The following SLC39A11 variants were observed in gnomAD, a reference collection of about 807,000 sequenced individuals.
SLC39A11 encodes zinc transporter ZIP11.
A neutral mutation model predicts 36.1 loss-of-function variants in SLC39A11; 33 were observed. The ratio of observed to expected loss-of-function variants is 0.91; its 90% CI spans 0.69 to 1.22. The LOEUF is 1.22. SLC39A11 is among the 50% of genes most tolerant of loss of function. The pLI, the probability that SLC39A11 is intolerant of heterozygous loss-of-function variation, is 0.00. For missense variants in SLC39A11, 432 were observed against 430.3 expected (o/e 1.00, Z -0.03); for synonymous variants, 166 against 170.3 (o/e 0.97, Z 0.20).
chr17:72,786,199 A>C (rs1598732210), intron 6 of SLC39A11, among the ~76,000 whole-genome samples: 1 of 152,216 alleles, frequency 6.6e-6, no homozygotes, highest in East Asian at 1.9e-4. Context: ...TCTGATGGAA[A>C]CATCACCCTT....
chr17:72,844,225 TGA>T (rs1178276000), intron 6 of SLC39A11, among the ~76,000 whole-genome samples: 8 of 152,148 alleles, frequency 5.3e-5, no homozygotes, highest in Admixed American at 4.6e-4. Flanking sequence ...TGAAGCTGCT[TGA>T]CAGTGATGGT....
At chr17:73,034,790 T>C (rs1017353489) in intron 3 of SLC39A11, among the ~76,000 whole-genome samples, 1 of 152,118 alleles carries the variant, frequency 6.6e-6, no homozygotes. Flanking sequence ...CATCACTGAG[T>C]ACCAACCTTT....
chr17:72,775,590 C>T (rs554316443), intron 6 of SLC39A11, among the ~76,000 whole-genome samples: 36 of 152,232 alleles, frequency 2.4e-4, no homozygotes, highest in South Asian at 1.5e-3. Context: ...TTGGGGGCAA[C>T]GTAGCAATCA....
Position 72,879,089 on chromosome 17 carries a change from G to A in SLC39A11, c.431-29285C>T, listed in dbSNP as rs112413302. Among the ~76,000 whole-genome samples the A allele has an allele frequency of 6.9e-3, 1,045 of 152,342 alleles. 11 individuals carry two copies. Among genetic ancestry groups the A allele is most frequent in the African/African-American group, 0.024 (1,005 of 41,580 alleles). Reference sequence around the variant, plus strand: ...ATGCATAGGGAGGTTATATAGGAAGGGGGCGTGGAGCTTCCACGCCCTTTC... The same window carrying A: ...ATGCATAGGGAGGTTATATAGGAAGAGGGCGTGGAGCTTCCACGCCCTTTC... On this transcript the variant is annotated intron_variant, in intron 5 of 9. Transcript: ENST00000255559.
Position 72,758,921 on chromosome 17 carries a change from T to C in SLC39A11, c.602-22202A>G, listed in dbSNP as rs565665718. ...AATCTTGGCGACAGCCTGGCTAACA[T>C]GGCAAAACCCTGTCTCTACTAAAAC... On this transcript the variant is annotated intron_variant, in intron 6 of 9. Transcript: ENST00000255559. Among the ~76,000 whole-genome samples the C allele has an allele frequency of 6.6e-5, 10 of 152,246 alleles. No individual in the cohort carries two copies. In the South Asian group the frequency reaches 1.5e-3, roughly 22 times the overall value.
At chr17:73,052,013 G>A (rs543217952) in intron 3 of SLC39A11, among the ~76,000 whole-genome samples, 1 of 151,816 alleles carries the variant, frequency 6.6e-6, no homozygotes, top group Non-Finnish European at 1.5e-5. Context: ...TGTAAAATTG[G>A]AATAACCATC....
chr17:72,982,228 A>G (rs2088378695), intron 4 of SLC39A11, among the ~76,000 whole-genome samples: 1 of 152,202 alleles, frequency 6.6e-6, no homozygotes, highest in African/African-American at 2.4e-5. Flanking sequence ...AAAAGTATAA[A>G]TCAGTATAAG....
intron 7 of SLC39A11, among the ~76,000 whole-genome samples, chr17:72,671,430 C>T (rs1234723169): frequency 1.3e-5 from 2 of 152,172 alleles, no homozygotes; most frequent in African/African-American, 4.8e-5. Context: ...ACAAAAATAG[C>T]TATATTTAGG....
chr17:72,648,257 G>A, intron 9 of SLC39A11, among the ~76,000 whole-genome samples: 1 of 149,622 alleles, frequency 6.7e-6, no homozygotes, highest in East Asian at 2.0e-4. Context: ...TTGAACCTGG[G>A]GGGCGGAGGT....
chr17:72,830,989 G>A (rs1017909750), intron 6 of SLC39A11, among the ~76,000 whole-genome samples: 7 of 152,182 alleles, frequency 4.6e-5, no homozygotes, highest in Middle Eastern at 3.2e-3. Context: ...AATCTAGAAC[G>A]TCACTGAGAC....
At chr17:73,047,990 A>ATATATATAT (rs1287618070) in intron 3 of SLC39A11, among the ~76,000 whole-genome samples, 1 of 58,680 alleles carries the variant, frequency 1.7e-5, no homozygotes, top group Non-Finnish European at 3.0e-5. Flanking sequence ...AAAAAAAAAA[A>ATATATATAT]ATATATATAT....
At chr17:72,867,566 T>G (rs2080365188) in intron 5 of SLC39A11, among the ~76,000 whole-genome samples, 1 of 151,782 alleles carries the variant, frequency 6.6e-6, no homozygotes, top group Non-Finnish European at 1.5e-5. Context: ...AACTTCCAAA[T>G]TAATAAAGCG....
At chr17:73,017,521 T>C (rs1310343360) in intron 4 of SLC39A11, among the ~76,000 whole-genome samples, 1 of 152,158 alleles carries the variant, frequency 6.6e-6, no homozygotes, top group Non-Finnish European at 1.5e-5. Flanking sequence ...GAGACCAGCC[T>C]GAGCATCATG....
chr17:72,724,943 T>A (rs1254607794), intron 7 of SLC39A11, among the ~76,000 whole-genome samples: 1 of 152,166 alleles, frequency 6.6e-6, no homozygotes, highest in Non-Finnish European at 1.5e-5. Context: ...AAAAGATGAA[T>A]CCTGTGCTCA....
At chr17:72,965,846 T>C (rs887685472) in intron 4 of SLC39A11, among the ~76,000 whole-genome samples, 2 of 152,212 alleles carry the variant, frequency 1.3e-5, no homozygotes, top group African/African-American at 4.8e-5. Flanking sequence ...GTTAGATACC[T>C]GACCTTGTCA....
At chr17:72,951,749 T>A (rs977548245) in intron 4 of SLC39A11, among the ~76,000 whole-genome samples, 2 of 152,104 alleles carry the variant, frequency 1.3e-5, no homozygotes, top group African/African-American at 4.8e-5. Flanking sequence ...GTTCCAAGCA[T>A]TTTACATGTA....
intron 5 of SLC39A11, among the ~76,000 whole-genome samples, chr17:72,918,409 C>T (rs2083452078): frequency 6.6e-6 from 1 of 151,728 alleles, no homozygotes; most frequent in South Asian, 2.1e-4. Flanking sequence ...AACTCCATCT[C>T]CAAAAAAGAA....
At position 73,076,911 on chromosome 17, in the gene SLC39A11, C is replaced by T. The variant is rs1338131667; in HGVS notation, c.147+7897G>A. Among the ~76,000 whole-genome samples the T allele has an allele frequency of 2.0e-5, 3 of 151,126 alleles. No individual in the cohort carries two copies. In the Admixed American group the frequency reaches 2.0e-4, roughly 10 times the overall value. On this transcript the variant is annotated intron_variant, in intron 3 of 9. Coordinates refer to ENST00000255559, the MANE Select transcript of SLC39A11 (RefSeq NM_139177.4). ...GCCTTGGCATGACTGGCACTTGGGGCTGGAGAGTCCTTTGTAGTTGTGATG... is the reference window on the plus strand; with the variant it reads ...GCCTTGGCATGACTGGCACTTGGGGTTGGAGAGTCCTTTGTAGTTGTGATG...
At chr17:72,721,703 C>T (rs2073687275) in intron 7 of SLC39A11, among the ~76,000 whole-genome samples, 1 of 152,108 alleles carries the variant, frequency 6.6e-6, no homozygotes, top group Non-Finnish European at 1.5e-5. Context: ...GGGGTGGTAG[C>T]TCATGCCTGT....
Sources: allele counts gnomAD v4.1 joint callset (sites outside exome capture counted in the v4.1 genomes callset), GRCh38; gene constraint gnomAD v4.1.1; transcripts MANE v1.5; gene names NCBI Gene and HGNC (gene_info 2026-07-23, HGNC 2026-07-21).